TIAM1: variants seen among roughly 807,000 people sequenced by gnomAD.
TIAM1 encodes TIAM Rac1 associated GEF 1, also known as rho guanine nucleotide exchange factor TIAM1.
In TIAM1, 65 loss-of-function variants were observed where a neutral mutation model predicts 163.5. That is an observed-to-expected ratio of 0.40 (90% CI 0.33 to 0.49). TIAM1 has a LOEUF of 0.49. Ranked by LOEUF, TIAM1 falls within the 20% of genes least tolerant of loss-of-function variation. The pLI is 0.77. For missense variants in TIAM1, 1,789 were observed against 2,044.7 expected (o/e 0.87, Z 2.41); for synonymous variants, 833 against 810.1 (o/e 1.03, Z -0.48).
intron 1 of TIAM1, among the ~76,000 whole-genome samples, chr21:31,507,909 T>C (rs1013980832): frequency 6.6e-6 from 1 of 152,210 alleles, no homozygotes; most frequent in African/African-American, 2.4e-5. Context: ...CCAGAACCTG[T>C]GACTGTGACC....
intron 19 of TIAM1, among the ~76,000 whole-genome samples, chr21:31,152,037 TTTTTTTTTTTG>T (rs1031094139): frequency 8.9e-5 from 8 of 89,566 alleles, no homozygotes; most frequent in African/African-American, 3.8e-4. Context: ...TTTTTTTTTT[TTTTTTTTTTTG>T]TAAGACGGAG....
At chr21:31,279,222 C>T (rs78350670) in intron 2 of TIAM1, among the ~76,000 whole-genome samples, 4,231 of 151,718 alleles carry the variant, frequency 0.028, 178 homozygotes, top group African/African-American at 0.093. Context: ...TTTGGTATAA[C>T]TTCTTTCTGA....
intron 8 of TIAM1, 97 bp from the exon 9 acceptor site, chr21:31,217,796 T>TC: frequency 6.9e-7 from 1 of 1,458,668 alleles, no homozygotes; most frequent in East Asian, 2.3e-5. Flanking sequence ...CAAAAAACCC[T>TC]CCTCCATCAT....
Position 31,252,050 on chromosome 21 carries a change from C to T in TIAM1, c.1103G>A (p.Ser368Asn), listed in dbSNP as rs749153746. 6.2e-7 allele frequency: 1 copy of T among 1,614,098 alleles called. No individual in the cohort carries two copies. Among genetic ancestry groups the T allele is most frequent in the Admixed American group, 1.7e-5 (1 of 60,030 alleles). ...CCCGGTGGAGCTGCTGCCGCTGTCG[C>T]TGCCCACAAAGGCCCGGCCTGTGGT... ...SPTTGRAFVG[S>N]DSGSSSTGDA... is the part of the protein sequence containing the mutation. The change falls in exon 5 of 28, where the codon AGC becomes AAC. Residue 368 changes from serine (S) to asparagine (N), a missense_variant. Around this residue, in one of 5 missense-constraint regions of TIAM1, gnomAD observed 555 missense variants for 564.9 expected, o/e 0.98. Transcript: ENST00000541036.
chr21:31,414,502 C>T (rs894334959), intron 2 of TIAM1, among the ~76,000 whole-genome samples: 52 of 152,220 alleles, frequency 3.4e-4, no homozygotes, highest in African/African-American at 1.2e-3. Context: ...GTGGGAGCAA[C>T]GGCCCCTTTC....
chr21:31,245,337 T>C (rs965558368), intron 6 of TIAM1, 151 bp downstream of exon 6: 1 of 576,952 alleles, frequency 1.7e-6, no homozygotes, highest in Non-Finnish European at 2.6e-6. Flanking sequence ...TCACTGTTTT[T>C]GTTTTTATAA....
intron 2 of TIAM1, among the ~76,000 whole-genome samples, chr21:31,457,143 G>T (rs1275811304): frequency 6.6e-6 from 1 of 151,994 alleles, no homozygotes; most frequent in Non-Finnish European, 1.5e-5. Flanking sequence ...AATCTTCCAT[G>T]AGCCCAGAAT....
intron 2 of TIAM1, among the ~76,000 whole-genome samples, chr21:31,279,568 T>G (rs2073453545): frequency 6.6e-6 from 1 of 152,194 alleles, no homozygotes; most frequent in Non-Finnish European, 1.5e-5. Context: ...AAGTCAAATC[T>G]TTACTTTCAG....
intron 4 of TIAM1, among the ~76,000 whole-genome samples, chr21:31,252,467 C>A (rs571365139): frequency 8.5e-4 from 130 of 152,264 alleles, no homozygotes; most frequent in Non-Finnish European, 1.6e-3. Context: ...CTTCAAAGAG[C>A]TTATTATTTC....
chr21:31,520,058 G>C (rs142649890), intron 1 of TIAM1, among the ~76,000 whole-genome samples: 2 of 152,188 alleles, frequency 1.3e-5, no homozygotes, highest in Non-Finnish European at 2.9e-5. Context: ...TGGGCCGGGC[G>C]CGGTGGCCAC....
chr21:31,428,204 G>A (rs1248625020), intron 2 of TIAM1, among the ~76,000 whole-genome samples: 2 of 151,716 alleles, frequency 1.3e-5, no homozygotes, highest in Admixed American at 6.6e-5. Context: ...GCAGTGAGCC[G>A]AGATCACACC....
chr21:31,520,645 C>T (rs1274224682), intron 1 of TIAM1, among the ~76,000 whole-genome samples: 3 of 152,152 alleles, frequency 2.0e-5, no homozygotes, highest in East Asian at 1.9e-4. Flanking sequence ...TATGAATGAT[C>T]GCAAAGCGAA....
intron 11 of TIAM1, among the ~76,000 whole-genome samples, chr21:31,204,704 G>A (rs557608867): frequency 7.9e-5 from 12 of 152,334 alleles, no homozygotes; most frequent in Middle Eastern, 6.8e-3. Flanking sequence ...AAGCTATGTA[G>A]ATGTGGAAGG....
At chr21:31,457,660 T>C (rs1047262416) in intron 2 of TIAM1, among the ~76,000 whole-genome samples, 8 of 152,138 alleles carry the variant, frequency 5.3e-5, no homozygotes, top group South Asian at 2.1e-4. Context: ...CACTTTCTTA[T>C]ACATTAGCAA....
At chr21:31,293,159 G>A (rs182642257) in intron 2 of TIAM1, among the ~76,000 whole-genome samples, 210 of 148,632 alleles carry the variant, frequency 1.4e-3, no homozygotes, top group Admixed American at 2.9e-3. Context: ...ATGCATTTGC[G>A]GGGGCTGCCA....
intron 1 of TIAM1, among the ~76,000 whole-genome samples, chr21:31,513,572 CT>C (rs2047282697): frequency 6.6e-6 from 1 of 152,212 alleles, no homozygotes; most frequent in African/African-American, 2.4e-5. Flanking sequence ...TAGAATCAGA[CT>C]GTCAAAATTA....
intron 2 of TIAM1, among the ~76,000 whole-genome samples, chr21:31,394,702 T>TCTCG (rs2077025258): frequency 1.1e-5 from 1 of 94,918 alleles, no homozygotes; most frequent in Non-Finnish European, 2.2e-5. Flanking sequence ...TCTCTCTCTC[T>TCTCG]CTCTCGCTCT....
At chr21:31,551,705 A>C (rs78745578) in intron 1 of TIAM1, among the ~76,000 whole-genome samples, 4,344 of 152,244 alleles carry the variant, frequency 0.029, 217 homozygotes, top group African/African-American at 0.099. Context: ...ACTGCACTAC[A>C]GTCTAGGCAG....
chr21:31,474,546 CTTTT>C (rs33930958), intron 1 of TIAM1, among the ~76,000 whole-genome samples: 5 of 141,866 alleles, frequency 3.5e-5, no homozygotes, highest in Non-Finnish European at 6.1e-5. Context: ...AACCTTTAGT[CTTTT>C]TTTTTTTTTT....
Sources: allele counts gnomAD v4.1 joint callset (sites outside exome capture counted in the v4.1 genomes callset), GRCh38; gene constraint gnomAD v4.1.1; regional missense constraint gnomAD v4.1.1; transcripts MANE v1.5; gene names NCBI Gene and HGNC (gene_info 2026-07-23, HGNC 2026-07-21).